NAV2: variants seen among roughly 807,000 people sequenced by gnomAD.
The protein encoded by NAV2 is neuron navigator 2, also known as helicase, APC down-regulated 1.
A neutral mutation model predicts 223.2 loss-of-function variants in NAV2; 54 were observed. That is an observed-to-expected ratio of 0.24 (90% CI 0.19 to 0.30). The LOEUF (loss-of-function observed/expected upper bound fraction) is 0.30, where lower values mean the gene tolerates loss of function less well. NAV2 is among the 10% of genes least tolerant of loss of function. The pLI is 1.00. For synonymous variants in NAV2, 1,279 were observed against 1,239.3 expected, an observed-to-expected ratio of 1.03 and a Z score of -0.67; for missense variants, 2,806 against 3,147.5, an observed-to-expected ratio of 0.89 and a Z score of 2.60.
chr11:19,741,983 T>C (rs2052875856), intron 1 of NAV2, among the ~76,000 whole-genome samples: 1 of 149,986 alleles, frequency 6.7e-6, no homozygotes, highest in Non-Finnish European at 1.5e-5. Flanking sequence ...GGTTACCTTT[T>C]CTCCACATCC....
intron 1 of NAV2, among the ~76,000 whole-genome samples, chr11:19,424,288 T>C (rs1850736210): frequency 6.6e-6 from 1 of 152,200 alleles, no homozygotes; most frequent in South Asian, 2.1e-4. Flanking sequence ...TGAATAAAGA[T>C]TACTAGTTCT....
chr11:19,396,589 C>T (rs1330618807), intron 1 of NAV2, among the ~76,000 whole-genome samples: 1 of 152,168 alleles, frequency 6.6e-6, no homozygotes, highest in Non-Finnish European at 1.5e-5. Context: ...TTTCTGTCCC[C>T]TGGCACCTCA....
At chr11:19,722,937 T>G (rs1182794602) in intron 1 of NAV2, among the ~76,000 whole-genome samples, 2 of 152,236 alleles carry the variant, frequency 1.3e-5, no homozygotes. Flanking sequence ...CAGATTCCTT[T>G]GCACAAGGCT....
At chr11:19,845,117 T>C (rs1047321115) in intron 3 of NAV2, among the ~76,000 whole-genome samples, 4 of 152,170 alleles carry the variant, frequency 2.6e-5, no homozygotes, top group Admixed American at 1.3e-4. Context: ...GGAAGTTCTT[T>C]CGATAGACAG....
intron 9 of NAV2, 138 bp from the exon 10 acceptor site, chr11:19,948,552 CA>C (rs2047122623): frequency 1.3e-6 from 1 of 795,072 alleles, no homozygotes; most frequent in Non-Finnish European, 1.8e-6. Context: ...GGAAGCACAT[CA>C]GGTGGTACAT....
intron 1 of NAV2, among the ~76,000 whole-genome samples, chr11:19,489,240 C>T (rs967655576): frequency 3.3e-5 from 5 of 152,154 alleles, no homozygotes; most frequent in South Asian, 2.1e-4. Flanking sequence ...TAATTGAAGC[C>T]GCATCTGCAA....
At chr11:19,514,905 A>C (rs1308576267) in intron 1 of NAV2, among the ~76,000 whole-genome samples, 1 of 152,166 alleles carries the variant, frequency 6.6e-6, no homozygotes, top group Non-Finnish European at 1.5e-5. Flanking sequence ...GAGCTGTTTA[A>C]TTCTAATCAT....
chr11:19,504,860 A>T (rs1377075080), intron 1 of NAV2: 3 of 152,146 alleles, frequency 2.0e-5, no homozygotes, highest in African/African-American at 7.2e-5. Context: ...TATTTGTAAA[A>T]CTGGTCCCAA....
At chr11:20,065,177 T>C (rs538758143) in intron 20 of NAV2, among the ~76,000 whole-genome samples, 8 of 152,228 alleles carry the variant, frequency 5.3e-5, no homozygotes, top group Admixed American at 1.3e-4. Flanking sequence ...TTCGTGATAA[T>C]GAAATTCTGA....
At chr11:19,620,532 G>A (rs922895460) in intron 1 of NAV2, among the ~76,000 whole-genome samples, 1 of 152,076 alleles carries the variant, frequency 6.6e-6, no homozygotes, top group African/African-American at 2.4e-5. Flanking sequence ...ATTGTGAATG[G>A]GCATTCACTC....
intron 1 of NAV2, among the ~76,000 whole-genome samples, chr11:19,686,357 C>T (rs1488164347): frequency 1.3e-5 from 2 of 152,160 alleles, no homozygotes; most frequent in African/African-American, 4.8e-5. Context: ...TCTTATTTCC[C>T]AGTTGTCCCC....
At chr11:19,416,758 A>G (rs2133448413) in intron 1 of NAV2, among the ~76,000 whole-genome samples, 1 of 152,302 alleles carries the variant, frequency 6.6e-6, no homozygotes, top group Non-Finnish European at 1.5e-5. Context: ...ATATAGACCA[A>G]TGGAACAGAA....
chr11:19,603,922 G>A (rs2046414114), intron 1 of NAV2, among the ~76,000 whole-genome samples: 2 of 152,254 alleles, frequency 1.3e-5, no homozygotes, highest in African/African-American at 4.8e-5. Flanking sequence ...TAAGGGTTCT[G>A]AGGGAAGAGT....
intron 29 of NAV2, among the ~76,000 whole-genome samples, chr11:20,094,276 C>CTGGAG (rs2061079595): frequency 8.0e-6 from 1 of 124,644 alleles, no homozygotes; most frequent in Non-Finnish European, 1.5e-5. Flanking sequence ...GTTGCCCAGG[C>CTGGAG]TGGAGTGCAG....
intron 1 of NAV2, among the ~76,000 whole-genome samples, chr11:19,375,432 C>CT (rs992614964): frequency 2.0e-5 from 3 of 152,208 alleles, no homozygotes; most frequent in Non-Finnish European, 2.9e-5. Context: ...TAGCAAAATT[C>CT]TTTGGGGTCC....
At chr11:19,507,888 C>G (rs2043170634) in intron 1 of NAV2, among the ~76,000 whole-genome samples, 2 of 152,124 alleles carry the variant, frequency 1.3e-5, no homozygotes, top group South Asian at 4.1e-4. Context: ...TGAGGTCACA[C>G]AGCTAGTAAA....
chr11:19,835,563 T>C (rs576995139), intron 2 of NAV2, among the ~76,000 whole-genome samples: 2 of 152,314 alleles, frequency 1.3e-5, no homozygotes, highest in East Asian at 3.9e-4. Flanking sequence ...CTGACTAGGA[T>C]GCTGAACTAT....
chr11:19,764,526 C>T (rs1342400472), intron 1 of NAV2, among the ~76,000 whole-genome samples: 1 of 152,112 alleles, frequency 6.6e-6, no homozygotes, highest in Non-Finnish European at 1.5e-5. Flanking sequence ...AACTTGAACC[C>T]CTGGTTTGTT....
chr11:19,969,830 C>T (rs187668876), intron 10 of NAV2, among the ~76,000 whole-genome samples: 2 of 151,900 alleles, frequency 1.3e-5, no homozygotes, highest in Admixed American at 1.3e-4. Flanking sequence ...CCTGTAGTCC[C>T]AGCTACTCAG....
Sources: gnomAD v4.1 joint callset for allele counts (sites outside exome capture counted in the v4.1 genomes callset) on GRCh38, gnomAD v4.1.1 for gene constraint, MANE v1.5 for transcripts, NCBI Gene and HGNC (gene_info 2026-07-23, HGNC 2026-07-21) for gene names.